The following TMPRSS6 variants were observed in gnomAD, a reference collection of about 807,000 sequenced individuals.
TMPRSS6 encodes the protein transmembrane protease serine 6.
In TMPRSS6, 67 loss-of-function variants were observed where a neutral mutation model predicts 101.5. That is an observed-to-expected ratio of 0.66 (90% CI 0.54 to 0.81). The LOEUF (loss-of-function observed/expected upper bound fraction) is 0.81, where lower values mean the gene tolerates loss of function less well. Ranked by LOEUF, TMPRSS6 falls within the 30% of genes least tolerant of loss-of-function variation. The probability of loss-of-function intolerance (pLI) is 0.00; values close to 1 mark genes in which losing one functional copy is unlikely to be tolerated. For synonymous variants in TMPRSS6, 453 were observed against 464.9 expected, an observed-to-expected ratio of 0.97 and a Z score of 0.33; for missense variants, 1,034 against 1,088.7, an observed-to-expected ratio of 0.95 and a Z score of 0.71.
chr22:37,110,430 G>A (rs887603035), upstream of TMPRSS6, among the ~76,000 whole-genome samples: 6 of 151,836 alleles, frequency 4.0e-5, no homozygotes, highest in South Asian at 2.1e-4. Flanking sequence ...AGGCATGAGC[G>A]ACCGCACGCA....
rs1266470933 is a variant in TMPRSS6, at chr22:37,089,738, G to T, written c.676C>A (p.Leu226Met). Residue 226 changes from leucine (L) to methionine (M), a missense_variant, in exon 7 of 18, where the codon CTG becomes ATG. Coordinates refer to ENST00000676104, the MANE Select transcript of TMPRSS6 (RefSeq NM_001374504.1). ...SYVGQGQVLR[L>M]KGPDHLASSC... is the part of the protein sequence containing the mutation. Reference sequence around the variant, plus strand: ...GAGGCCAGGTGGTCAGGCCCCTTCAGCCGGAGGACCTGGCCCTGGCCCACG... The same window carrying T: ...GAGGCCAGGTGGTCAGGCCCCTTCATCCGGAGGACCTGGCCCTGGCCCACG... 1 of 1,612,664 alleles carries T rather than the reference G, an allele frequency of 6.2e-7. No individual in the cohort carries two copies. The highest frequency in any genetic ancestry group is 1.1e-5 in the South Asian group (1 of 90,810).
chr22:37,095,923 T>A lies in TMPRSS6; in HGVS notation c.572A>T (p.Glu191Val), dbSNP rs757612914. 4 of 1,614,060 alleles carry A rather than the reference T, an allele frequency of 2.5e-6. No homozygotes were observed. Among genetic ancestry groups the A allele is most frequent in the Admixed American group, 1.7e-5 (1 of 60,024 alleles). ...GTACTGACCCAGGATCACTAGGCCC[T>A]CGGGGTCCACTTCGTACTCGGCCCT... Reference protein sequence around the residue: ...PYRAEYEVDPEGLVILEASVK... With the variant: ...PYRAEYEVDPVGLVILEASVK... The change falls in exon 5 of 18, where the codon GAG becomes GTG. Residue 191 changes from glutamate to valine, a missense_variant. Transcript: ENST00000676104.
intron 13 of TMPRSS6, among the ~76,000 whole-genome samples, chr22:37,072,777 T>C (rs1004510402): frequency 7.1e-5 from 10 of 141,282 alleles, no homozygotes; most frequent in African/African-American, 2.4e-4. Flanking sequence ...GATGGATGGA[T>C]GGATGATGGA....
rs1390939723 is a variant in TMPRSS6 at position 37,076,022 on chromosome 22, G to GA, written c.1197-743dup. ...AAGGAAGAAAGAAAGAAAGAAGAAA[G>GA]AGAAAGAGAAAGAAAGAAAGGGAGA... On this transcript the variant is annotated intron_variant, in intron 10 of 17. Coordinates refer to ENST00000676104, the MANE Select transcript of TMPRSS6 (RefSeq NM_001374504.1). 4.1e-5 allele frequency among the ~76,000 whole-genome samples: 6 copies of GA among 144,956 alleles called. No homozygotes were observed. In the East Asian group the frequency reaches 1.2e-3, roughly 29 times the overall value.
intron 1 of TMPRSS6, among the ~76,000 whole-genome samples, chr22:37,104,971 A>C (rs1569029712): frequency 6.6e-6 from 1 of 151,616 alleles, no homozygotes; most frequent in Non-Finnish European, 1.5e-5. Context: ...AGAAAAAAAA[A>C]AACATAAAAA....
chr22:37,091,732 GTAGTTAACTGAGTCTGGGCCAGTGGCT>G (rs1324486476), intron 6 of TMPRSS6, among the ~76,000 whole-genome samples: 1 of 152,222 alleles, frequency 6.6e-6, no homozygotes, highest in African/African-American at 2.4e-5. Flanking sequence ...CTACCTCTGG[GTAGTTAACTGAGTCTGGGCCAGTGGCT>G]TAGCCATTCC....
rs547860835 is a variant in TMPRSS6 at position 37,069,019 on chromosome 22, G to T, written c.2113+54C>A. 2 of 1,531,376 alleles carry T rather than the reference G, an allele frequency of 1.3e-6. No homozygotes were observed. The highest frequency in any genetic ancestry group is 2.7e-5 in the African/African-American group (2 of 72,934). 94.9% of individuals were successfully genotyped at this position (1,531,376 alleles called of 1,614,324 possible). A position where few individuals can be genotyped will look rare whatever the true frequency, so the allele number is the denominator to read the frequency against. On this transcript the variant is annotated intron_variant, in intron 16 of 17. Transcript: ENST00000676104. This position sits in a 1 kb window ranked among gnomAD's most constrained non-coding sequence, Gnocchi z 4.8. ...GCCCTTCTCCAGGCCAGGTGTTACG[G>T]CGCAGATCCGCACGGTCTCCCTCCG... is the stretch of plus-strand genomic sequence containing the variant.
intron 7 of TMPRSS6, among the ~76,000 whole-genome samples, chr22:37,088,377 G>A (rs1262920086): frequency 6.6e-6 from 1 of 152,170 alleles, no homozygotes; most frequent in African/African-American, 2.4e-5. Flanking sequence ...GAACACACTG[G>A]TCCCATCCCC....
intron 6 of TMPRSS6, among the ~76,000 whole-genome samples, chr22:37,092,118 G>A (rs566327595): frequency 1.2e-4 from 18 of 144,630 alleles, no homozygotes; most frequent in South Asian, 1.1e-3. Context: ...GACGAATTCC[G>A]TGGAGAGGTG....
upstream of TMPRSS6, among the ~76,000 whole-genome samples, chr22:37,110,143 T>C (rs866013109): frequency 6.8e-6 from 1 of 146,576 alleles, no homozygotes; most frequent in South Asian, 2.2e-4. Flanking sequence ...CGTTCTTTTT[T>C]TTTTTTTTTT....
intron 1 of TMPRSS6, among the ~76,000 whole-genome samples, chr22:37,104,833 C>A (rs374895352): frequency 1.3e-5 from 2 of 151,932 alleles, no homozygotes; most frequent in African/African-American, 4.8e-5. Flanking sequence ...TGGTGGTGGG[C>A]ACCTGTAATC....
At chr22:37,078,627 T>C (rs16990291) in intron 10 of TMPRSS6, among the ~76,000 whole-genome samples, 4,209 of 152,060 alleles carry the variant, frequency 0.028, 104 homozygotes, top group Admixed American at 0.078. Flanking sequence ...AATTGCTTCA[T>C]TGAGTCGCGA....
intron 13 of TMPRSS6, among the ~76,000 whole-genome samples, chr22:37,072,982 GGATGGATAGATGGATGATGGATGGAT>G: frequency 6.7e-6 from 1 of 148,652 alleles, no homozygotes; most frequent in Non-Finnish European, 1.5e-5. Flanking sequence ...GAAGGATGAT[GGATGGATAGATGGATGATGGATGGAT>G]GATGGATGGA....
chr22:37,103,129 C>G lies in TMPRSS6; in HGVS notation c.202+87G>C. ...AGCAATATGCTAAGCACGGCTGAGC[C>G]TGGAACCCAGTCCTGTCCTGCTGTG... On this transcript the variant is annotated intron_variant, in intron 2 of 17. Transcript: ENST00000676104. The surrounding 1 kb of genome is among the most constrained non-coding windows in gnomAD (Gnocchi z 4.4). The G allele has an allele frequency of 7.0e-7, 1 of 1,431,944 alleles. No individual in the cohort carries two copies. Among genetic ancestry groups the G allele is most frequent in the Admixed American group, 1.7e-5 (1 of 57,632 alleles). 88.7% of individuals were successfully genotyped at this position (1,431,944 alleles called of 1,614,324 possible). A position where few individuals can be genotyped will look rare whatever the true frequency, so the allele number is the denominator to read the frequency against.
intron 9 of TMPRSS6, 111 bp downstream of exon 9, chr22:37,084,596 ATGTGTACCCAGGGCTCAGCC>A: frequency 1.1e-6 from 1 of 872,464 alleles, no homozygotes; most frequent in South Asian, 1.5e-5. Flanking sequence ...CCCTGGCAGG[ATGTGTACCCAGGGCTCAGCC>A]TGTGGGCGCT....
intron 3 of TMPRSS6, 86 bp downstream of exon 3, chr22:37,098,330 G>T: frequency 6.3e-7 from 1 of 1,598,024 alleles, no homozygotes; most frequent in South Asian, 1.1e-5. Flanking sequence ...CAGATGGGTT[G>T]ACCAACTGGC....
Position 37,103,303 on chromosome 22 carries a change from G to T in TMPRSS6, c.115C>A (p.Arg39=). ...AGGGGCACCAGGCGGAGGTAGCCCCGGGCTTTTCTCTTGGAGTCCTCACAG... is the reference window on the plus strand; with the variant it reads ...AGGGGCACCAGGCGGAGGTAGCCCCTGGCTTTTCTCTTGGAGTCCTCACAG... ...KACEDSKRKA[R]GYLRLVPLFV... is the part of the protein sequence containing the mutation. Residue 39 remains arginine (R), a synonymous_variant, in exon 2 of 18, where the codon CGG becomes AGG. Transcript: ENST00000676104. This position sits in a 1 kb window ranked among gnomAD's most constrained non-coding sequence, Gnocchi z 4.4. 1 of 1,614,162 alleles carries T rather than the reference G, an allele frequency of 6.2e-7. No individual in the cohort carries two copies. The highest frequency in any genetic ancestry group is 1.1e-5 in the South Asian group (1 of 91,084).
Position 37,086,356 on chromosome 22 carries a change from C to T in TMPRSS6, c.900G>A (p.Ala300=), listed in dbSNP as rs375746107. ...TGTGCAGGCCCTTCTTCCAGACGAC[C>T]GCCATGATGGCCCCCGACGCCAGAA... The part of the protein sequence containing the change: ...VEVLASGAIM[A]VVWKKGLHSY... Residue 300 remains alanine, a synonymous_variant, in exon 8 of 18, where the codon GCG becomes GCA. Transcript: ENST00000676104. The T allele has an allele frequency of 5.8e-5, 93 of 1,613,164 alleles. No individual in the cohort carries two copies. The highest frequency in any genetic ancestry group is 3.1e-4 in the East Asian group (14 of 44,838).
rs775652680 is a variant in TMPRSS6, at chr22:37,069,175, G to A, written c.2011C>T (p.Arg671Cys). The A allele has an allele frequency of 1.9e-6, 3 of 1,589,812 alleles. No homozygotes were observed. Among genetic ancestry groups the A allele is most frequent in the African/African-American group, 2.7e-5 (2 of 74,408 alleles). Residue 671 changes from arginine to cysteine, a missense_variant, in exon 16 of 18, where the codon CGC becomes TGC. By Grantham distance (180) the Arg-to-Cys change is radical. Coordinates refer to ENST00000676104, the MANE Select transcript of TMPRSS6 (RefSeq NM_001374504.1). The surrounding 1 kb of genome is among the most constrained non-coding windows in gnomAD (Gnocchi z 4.8). ...ALLQLDHPVV[R>C]SAAVRPVCLP... ...CAGACGGGGCGCACGGCGGCCGAGC[G>A]CACCACCGGGTGGTCGAGCTGCAGC...
Sources: allele counts gnomAD v4.1 joint callset (sites outside exome capture counted in the v4.1 genomes callset), GRCh38; gene constraint gnomAD v4.1.1; non-coding constraint Gnocchi (gnomAD v3.1); transcripts MANE v1.5; gene names NCBI Gene and HGNC (gene_info 2026-07-23, HGNC 2026-07-21).